The following RIMS2 variants were observed in gnomAD, a reference collection of about 807,000 sequenced individuals.
RIMS2 encodes regulating synaptic membrane exocytosis protein 2.
RIMS2 carries 59 observed loss-of-function variants against 174.4 expected under a neutral mutation model. That is an observed-to-expected ratio of 0.34 (90% CI 0.27 to 0.42). The LOEUF (loss-of-function observed/expected upper bound fraction) is 0.42. RIMS2 is among the 10% of genes least tolerant of loss of function. The pLI, the probability that RIMS2 is intolerant of heterozygous loss-of-function variation, is 1.00. For synonymous variants in RIMS2, 606 were observed against 572.5 expected (o/e 1.06, Z -0.84); for missense variants, 1,620 against 1,666.3 (o/e 0.97, Z 0.48).
chr8:103,682,413 A>G (rs1471093674), intron 1 of RIMS2, among the ~76,000 whole-genome samples: 1 of 152,158 alleles, frequency 6.6e-6, no homozygotes, highest in Non-Finnish European at 1.5e-5. Flanking sequence ...ACTGTGACAC[A>G]TAGTTTTAAA....
intron 1 of RIMS2, among the ~76,000 whole-genome samples, chr8:103,591,959 G>A (rs1378308065): frequency 6.6e-6 from 1 of 150,936 alleles, no homozygotes; most frequent in African/African-American, 2.4e-5. Flanking sequence ...GTTATGATTG[G>A]GATTGCATTG....
chr8:103,579,749 G>T (rs1347265342), intron 1 of RIMS2, among the ~76,000 whole-genome samples: 1 of 152,118 alleles, frequency 6.6e-6, no homozygotes, highest in African/African-American at 2.4e-5. Context: ...TTCTCACACT[G>T]CTATAAAGAA....
chr8:103,790,176 A>T (rs1208000464), intron 3 of RIMS2, among the ~76,000 whole-genome samples: 1 of 152,214 alleles, frequency 6.6e-6, no homozygotes, highest in Non-Finnish European at 1.5e-5. Context: ...TTAATTTTGA[A>T]GTTGTCCAAC....
chr8:104,004,218 A>G (rs1335637437), intron 17 of RIMS2, among the ~76,000 whole-genome samples: 1 of 152,180 alleles, frequency 6.6e-6, no homozygotes, highest in Non-Finnish European at 1.5e-5. Flanking sequence ...TTCACTACTA[A>G]TGGTAAGCAG....
intron 1 of RIMS2, among the ~76,000 whole-genome samples, chr8:103,600,702 TGTGTAACCATCA>T (rs1452420741): frequency 1.3e-5 from 2 of 152,366 alleles, no homozygotes; most frequent in Middle Eastern, 3.4e-3. Context: ...TTGTTTTGGC[TGTGTAACCATCA>T]GTGGGAGTGC....
At chr8:104,208,611 G>C (rs146537445) in intron 19 of RIMS2, among the ~76,000 whole-genome samples, 2 of 152,000 alleles carry the variant, frequency 1.3e-5, no homozygotes, top group Non-Finnish European at 2.9e-5. Context: ...TCTGTAAAGG[G>C]TATCAGTATG....
chr8:103,747,006 T>C (rs1332095809), intron 2 of RIMS2, among the ~76,000 whole-genome samples: 1 of 152,070 alleles, frequency 6.6e-6, no homozygotes, highest in African/African-American at 2.4e-5. Flanking sequence ...TTTCTGTTCC[T>C]GTGTTAGTTT....
intron 19 of RIMS2, among the ~76,000 whole-genome samples, chr8:104,033,262 TA>T (rs1162802958): frequency 1.3e-5 from 2 of 151,980 alleles, no homozygotes; most frequent in African/African-American, 2.4e-5. Flanking sequence ...TATTTAAGGA[TA>T]TTTTTAAGTA....
chr8:103,867,125 T>G (rs1233319251), intron 3 of RIMS2, among the ~76,000 whole-genome samples: 2 of 151,950 alleles, frequency 1.3e-5, no homozygotes, highest in Non-Finnish European at 2.9e-5. Context: ...CTTTAAAATT[T>G]CAGTTAAATA....
chr8:104,099,440 A>G (rs2097827922), intron 19 of RIMS2, among the ~76,000 whole-genome samples: 1 of 152,132 alleles, frequency 6.6e-6, no homozygotes, highest in South Asian at 2.1e-4. Flanking sequence ...AAGCCCAAAT[A>G]ACTTCTACTC....
At chr8:103,701,976 G>C (rs1397198546) in intron 2 of RIMS2, among the ~76,000 whole-genome samples, 2 of 151,838 alleles carry the variant, frequency 1.3e-5, no homozygotes, top group Non-Finnish European at 2.9e-5. Flanking sequence ...ATCATATGGT[G>C]GTTCTATTTT....
chr8:104,070,564 A>G (rs1340318088), intron 19 of RIMS2, among the ~76,000 whole-genome samples: 1 of 152,206 alleles, frequency 6.6e-6, no homozygotes, highest in African/African-American at 2.4e-5. Context: ...ATTTCTGCCT[A>G]CAACTAAATA....
intron 19 of RIMS2, among the ~76,000 whole-genome samples, chr8:104,073,828 G>T (rs951252238): frequency 1.3e-5 from 2 of 152,172 alleles, no homozygotes; most frequent in African/African-American, 4.8e-5. Flanking sequence ...TCTCAAAGAT[G>T]TATTGGGGAA....
chr8:103,893,887 T>C (rs1032612608), intron 4 of RIMS2, among the ~76,000 whole-genome samples: 4 of 152,102 alleles, frequency 2.6e-5, no homozygotes, highest in African/African-American at 9.6e-5. Context: ...TTGAGTAGCA[T>C]GCACACAGCC....
intron 4 of RIMS2, among the ~76,000 whole-genome samples, chr8:103,899,229 A>T (rs1222742382): frequency 6.6e-6 from 1 of 151,732 alleles, no homozygotes; most frequent in South Asian, 2.1e-4. Context: ...TCCTTTGGGT[A>T]TATACCCAGT....
chr8:103,835,462 T>G (rs2154482003), intron 3 of RIMS2, among the ~76,000 whole-genome samples: 1 of 152,298 alleles, frequency 6.6e-6, no homozygotes, highest in East Asian at 1.9e-4. Context: ...GTTAAAATCA[T>G]AAAAATGAGA....
At chr8:104,212,674 T>C (rs989247836) in intron 19 of RIMS2, among the ~76,000 whole-genome samples, 8 of 152,226 alleles carry the variant, frequency 5.3e-5, no homozygotes, top group South Asian at 2.1e-4. Context: ...AAGAGAACAG[T>C]ATACTCTGTT....
chr8:103,590,201 T>C (rs1419104886), intron 1 of RIMS2, among the ~76,000 whole-genome samples: 1 of 151,338 alleles, frequency 6.6e-6, no homozygotes, highest in East Asian at 1.9e-4. Context: ...CCCATAAATA[T>C]ATACACCTAC....
At chr8:103,851,679 ACACACACACACACAGG>A (rs2098999055) in intron 3 of RIMS2, among the ~76,000 whole-genome samples, 1 of 150,930 alleles carries the variant, frequency 6.6e-6, no homozygotes, top group Non-Finnish European at 1.5e-5. Flanking sequence ...ACACACACAC[ACACACACACACACAGG>A]CAACTCAAAA....
Sources: gnomAD v4.1 joint callset for allele counts (sites outside exome capture counted in the v4.1 genomes callset) on GRCh38, gnomAD v4.1.1 for gene constraint, MANE v1.5 for transcripts, NCBI Gene and HGNC (gene_info 2026-07-23, HGNC 2026-07-21) for gene names.